The following OSBP2 variants were observed in gnomAD, a reference collection of about 807,000 sequenced individuals.
OSBP2 encodes oxysterol-binding protein 2.
OSBP2 carries 66 observed loss-of-function variants against 96.0 expected under a neutral mutation model. The ratio of observed to expected loss-of-function variants is 0.69; its 90% CI spans 0.56 to 0.84. The LOEUF is 0.84. OSBP2 is among the 40% of genes least tolerant of loss of function. The probability of loss-of-function intolerance (pLI) is 0.00; values close to 1 mark genes in which losing one functional copy is unlikely to be tolerated. For synonymous variants in OSBP2, 525 were observed against 520.9 expected (o/e 1.01, Z -0.11); for missense variants, 1,038 against 1,222.7 (o/e 0.85, Z 2.25).
intron 2 of OSBP2, among the ~76,000 whole-genome samples, chr22:30,763,167 C>T (rs2090228040): frequency 6.6e-6 from 1 of 152,208 alleles, no homozygotes; most frequent in Admixed American, 6.5e-5. Context: ...TGGCACACGG[C>T]TTGGCAAACA....
Position 30,867,797 on chromosome 22 carries a change from G to A in OSBP2, c.854-2632G>A, listed in dbSNP as rs566283248. ...AAGGATGCTAACATGCTTACAGTTA[G>A]ACTCACTGTACCTCTCACCAGCTCT... is the stretch of plus-strand genomic sequence containing the variant. On this transcript the variant is annotated intron_variant, in intron 2 of 13. Transcript: ENST00000332585. Among the ~76,000 whole-genome samples the A allele has an allele frequency of 3.9e-5, 6 of 152,344 alleles. No homozygotes were observed. The East Asian group carries it at 1.2e-3, about 29-fold the overall frequency.
intron 2 of OSBP2, among the ~76,000 whole-genome samples, chr22:30,797,685 G>A (rs559429639): frequency 2.0e-5 from 3 of 151,876 alleles, no homozygotes; most frequent in South Asian, 4.2e-4. Flanking sequence ...TCAACCTCCC[G>A]GGTTCAGGTG....
intron 2 of OSBP2, among the ~76,000 whole-genome samples, chr22:30,759,217 G>A (rs2090177918): frequency 6.6e-6 from 1 of 152,108 alleles, no homozygotes; most frequent in South Asian, 2.1e-4. Flanking sequence ...GCGTGGTGGT[G>A]CACACCTGTA....
In OSBP2 at chr22:30,695,255, G is replaced by A; in HGVS notation, c.346G>A (p.Ala116Thr). Residue 116 changes from alanine to threonine, a missense_variant, in exon 1 of 14, where the codon GCT becomes ACT. Physicochemically the swap from Ala to Thr is moderately conservative, Grantham distance 58. This residue lies in a region of OSBP2 where 281 missense variants were observed against 273.4 expected (regional missense o/e 1.03). Coordinates refer to ENST00000332585, the MANE Select transcript of OSBP2 (RefSeq NM_030758.4). ...GTCAGAGTCAAGCTCAGGTGTAGGG[G>A]CTGGGCCCTTCACTAAGGCCGCATC... ...PGSESSSGVG[A>T]GPFTKAASEP... 6.2e-7 allele frequency: 1 copy of A among 1,613,434 alleles called. No homozygotes were observed. Among genetic ancestry groups the A allele is most frequent in the Non-Finnish European group, 8.5e-7 (1 of 1,179,996 alleles).
intron 2 of OSBP2, among the ~76,000 whole-genome samples, chr22:30,809,674 G>T (rs2090979959): frequency 6.6e-6 from 1 of 152,172 alleles, no homozygotes; most frequent in African/African-American, 2.4e-5. Flanking sequence ...TCATATCAGG[G>T]AGCCATGGAA....
chr22:30,888,098 A>AGGTGACTGAAGCAGGAGG lies in OSBP2; in HGVS notation c.1301-122_1301-105dup. The AGGTGACTGAAGCAGGAGG allele has an allele frequency of 7.1e-6, 5 of 703,618 alleles. No homozygotes were observed. The South Asian group carries it at 8.2e-5, about 12-fold the overall frequency. 43.6% of individuals were successfully genotyped at this position (703,618 alleles called of 1,614,324 possible). On this transcript the variant is annotated intron_variant, in intron 4 of 13. Transcript: ENST00000332585. ...GCAGCCCAGGGAATCAGGGCTGCCC[A>AGGTGACTGAAGCAGGAGG]GGTGACTGAAGCAGGAGGGGAGTGA...
intron 2 of OSBP2, among the ~76,000 whole-genome samples, chr22:30,849,516 T>G (rs1237932717): frequency 1.3e-5 from 2 of 152,256 alleles, no homozygotes; most frequent in African/African-American, 4.8e-5. Flanking sequence ...CATCTCTTCA[T>G]GTTCTTATTA....
upstream of OSBP2, chr22:30,693,969 A>T: frequency 3.4e-6 from 3 of 890,342 alleles, no homozygotes; most frequent in African/African-American, 4.4e-5. Flanking sequence ...AGTCTCAAAA[A>T]GGAAAAAAAA....
intron 1 of OSBP2, among the ~76,000 whole-genome samples, chr22:30,737,491 T>TA (rs1002917779): frequency 2.0e-5 from 3 of 151,398 alleles, no homozygotes; most frequent in East Asian, 2.0e-4. Context: ...CTTGGCTAAT[T>TA]AAAAAAAATT....
chr22:30,749,739 C>G (rs1174973571), intron 2 of OSBP2, among the ~76,000 whole-genome samples: 3 of 152,162 alleles, frequency 2.0e-5, no homozygotes, highest in Admixed American at 6.6e-5. Context: ...CTCCAAGTAT[C>G]TGAGATTACA....
chr22:30,872,628 G>A (rs2039482347), intron 3 of OSBP2: 1 of 352,796 alleles, frequency 2.8e-6, no homozygotes, highest in East Asian at 7.5e-5. Flanking sequence ...CCCTGGGCTG[G>A]GTTCTGCCAA....
At chr22:30,738,685 CG>C (rs2089890817) in intron 1 of OSBP2, among the ~76,000 whole-genome samples, 1 of 151,994 alleles carries the variant, frequency 6.6e-6, no homozygotes, top group African/African-American at 2.4e-5. Flanking sequence ...CTCAGCCATC[CG>C]AGTAACTGGG....
At chr22:30,783,287 G>A (rs1358672824) in intron 2 of OSBP2, among the ~76,000 whole-genome samples, 1 of 124,644 alleles carries the variant, frequency 8.0e-6, no homozygotes, top group African/African-American at 3.1e-5. Context: ...GAGGCAGGGA[G>A]TCTCATTCAG....
At chr22:30,780,617 C>T (rs1045285588) in intron 2 of OSBP2, among the ~76,000 whole-genome samples, 2 of 152,162 alleles carry the variant, frequency 1.3e-5, no homozygotes, top group African/African-American at 4.8e-5. Flanking sequence ...TATGCCACAG[C>T]CTCCCGAGTA....
At chr22:30,825,080 T>C (rs972808838) in intron 2 of OSBP2, among the ~76,000 whole-genome samples, 7 of 152,146 alleles carry the variant, frequency 4.6e-5, no homozygotes, top group African/African-American at 1.7e-4. Context: ...TCTAAGCATG[T>C]GAGGAGCCCT....
rs2039442002 is a variant in OSBP2, at chr22:30,870,756, G to C, written c.1107+74G>C. ...CCCGGGGTCCCTCGGTGGGTGACCA[G>C]GGTCAGCTTGAAGGGTCAGCGTTCC... On this transcript the variant is annotated intron_variant, in intron 3 of 13. Transcript: ENST00000332585. This position sits in a 1 kb window ranked among gnomAD's most constrained non-coding sequence, Gnocchi z 4.1. The C allele has an allele frequency of 2.6e-6, 4 of 1,509,604 alleles. No individual in the cohort carries two copies. In the South Asian group the frequency reaches 4.8e-5, roughly 18 times the overall value. The allele number at this position is 1,509,604 out of a possible 1,614,324, so 93.5% of individuals were successfully genotyped here. A position where few individuals can be genotyped will look rare whatever the true frequency, so the allele number is the denominator to read the frequency against.
At chr22:30,903,052 C>T (rs1224052290) in intron 12 of OSBP2, among the ~76,000 whole-genome samples, 12 of 152,190 alleles carry the variant, frequency 7.9e-5, no homozygotes, top group Non-Finnish European at 8.8e-5. Flanking sequence ...CCTCCCAGCT[C>T]GTTTTCCTAG....
At chr22:30,790,086 C>T (rs2090651111) in intron 2 of OSBP2, among the ~76,000 whole-genome samples, 1 of 152,138 alleles carries the variant, frequency 6.6e-6, no homozygotes, top group South Asian at 2.1e-4. Context: ...AAGGAGGATG[C>T]AGCCCCTTGG....
At chr22:30,808,983 C>A (rs1356270390) in intron 2 of OSBP2, among the ~76,000 whole-genome samples, 3 of 152,084 alleles carry the variant, frequency 2.0e-5, no homozygotes, top group African/African-American at 7.2e-5. Flanking sequence ...TAGACACACA[C>A]ACAGAGGAGA....
Sources: gnomAD v4.1 joint callset for allele counts (sites outside exome capture counted in the v4.1 genomes callset) on GRCh38, gnomAD v4.1.1 for gene constraint, gnomAD v4.1.1 regional missense constraint, Gnocchi (gnomAD v3.1) non-coding constraint, MANE v1.5 for transcripts, NCBI Gene and HGNC (gene_info 2026-07-23, HGNC 2026-07-21) for gene names.